The following RBM39 variants were observed in gnomAD, a reference collection of about 807,000 sequenced individuals.
RBM39 encodes RNA binding motif protein 39.
RBM39 carries 12 observed loss-of-function variants against 79.6 expected under a neutral mutation model. The ratio of observed to expected loss-of-function variants is 0.15; its 90% CI spans 0.10 to 0.24. The LOEUF (loss-of-function observed/expected upper bound fraction) is 0.24, where lower values mean the gene tolerates loss of function less well. Ranked by LOEUF, RBM39 falls within the 10% of genes least tolerant of loss-of-function variation. The pLI is 1.00. For synonymous variants in RBM39, 185 were observed against 208.4 expected (o/e 0.89, Z 0.97); for missense variants, 243 against 653.4 (o/e 0.37, Z 6.85).
chr20:35,707,976 C>T (rs1242786721), intron 13 of RBM39: 2 of 442,948 alleles, frequency 4.5e-6, no homozygotes, highest in Non-Finnish European at 9.3e-6. Context: ...CATTCCAAAA[C>T]ATAATAACAA....
Position 35,724,733 on chromosome 20 carries a change from A to C in RBM39, c.535-11T>G. 1 of 1,612,868 alleles carries C rather than the reference A, an allele frequency of 6.2e-7. No homozygotes were observed. Among genetic ancestry groups the C allele is most frequent in the East Asian group, 2.2e-5 (1 of 44,838 alleles). ...CCTCACATCTCGAACCTAGAAAGAAAACACAGTTGTTTGTGCAAACATCCA... is the reference window on the plus strand; with the variant it reads ...CCTCACATCTCGAACCTAGAAAGAACACACAGTTGTTTGTGCAAACATCCA... On this transcript the variant is annotated splice_polypyrimidine_tract_variant and intron_variant, in intron 7 of 16. Coordinates refer to ENST00000253363, the MANE Select transcript of RBM39 (RefSeq NM_184234.3).
At chr20:35,732,240 T>C (rs1483233862) in intron 3 of RBM39, 105 bp from the exon 4 acceptor site, 2 of 1,115,786 alleles carry the variant, frequency 1.8e-6, no homozygotes, top group South Asian at 1.3e-5. Flanking sequence ...TAAATTTCTT[T>C]GGCTAGTTTT....
chr20:35,705,782 C>T (rs1184030632), intron 14 of RBM39, among the ~76,000 whole-genome samples: 3 of 146,704 alleles, frequency 2.0e-5, no homozygotes, highest in Non-Finnish European at 3.0e-5. Flanking sequence ...TAGGTAACTC[C>T]GTCTCAAAAA....
Position 35,703,253 on chromosome 20 carries a change from A to G in RBM39, c.*1228T>C, listed in dbSNP as rs2035373614. 3 of 152,178 alleles carry G rather than the reference A, an allele frequency of 2.0e-5. 1 individual carries two copies. In the South Asian group the frequency reaches 6.2e-4, roughly 31 times the overall value. 9.4% of individuals were successfully genotyped at this position (152,178 alleles called of 1,614,324 possible). A position where few individuals can be genotyped will look rare whatever the true frequency, so the allele number is the denominator to read the frequency against. On this transcript the variant is annotated 3_prime_UTR_variant, in exon 17 of 17. Coordinates refer to ENST00000253363, the MANE Select transcript of RBM39 (RefSeq NM_184234.3). ...CCTTATTTAATATATTAATATATAA[A>G]TCAATTTTGGAAACCAGTTTGAAGT...
chr20:35,732,190 T>C (rs753950885), intron 3 of RBM39, 55 bp from the exon 4 acceptor site: 2 of 1,471,042 alleles, frequency 1.4e-6, no homozygotes, highest in African/African-American at 1.4e-5. Context: ...CACCAAAATA[T>C]ACTACCTTTT....
intron 3 of RBM39, chr20:35,736,458 C>T (rs2039915178): frequency 5.7e-6 from 2 of 353,306 alleles, no homozygotes; most frequent in South Asian, 4.5e-5. Context: ...GCTTAACAAG[C>T]CCTGAATAAC....
At chr20:35,705,558 G>C (rs2035618224) in intron 14 of RBM39, among the ~76,000 whole-genome samples, 1 of 152,064 alleles carries the variant, frequency 6.6e-6, no homozygotes, top group Non-Finnish European at 1.5e-5. Context: ...AGCACTTTGG[G>C]AGGCCGAAGT....
At position 35,721,956 on chromosome 20, in the gene RBM39, A is replaced by C. The variant is rs543586862; in HGVS notation, c.688-79T>G. The C allele has an allele frequency of 9.9e-4, 1,467 of 1,487,950 alleles. 25 individuals are homozygous for C. In the South Asian group the frequency reaches 0.011, roughly 12 times the overall value. The allele number at this position is 1,487,950 out of a possible 1,614,324, so 92.2% of individuals were successfully genotyped here. Reference sequence around the variant, plus strand: ...TACACCTTCCATTTGCATAACAACTAATGTTAAAGTTTAGAGTGATAAAAA... The same window carrying C: ...TACACCTTCCATTTGCATAACAACTCATGTTAAAGTTTAGAGTGATAAAAA... On this transcript the variant is annotated intron_variant, in intron 8 of 16. Coordinates refer to ENST00000253363, the MANE Select transcript of RBM39 (RefSeq NM_184234.3).
chr20:35,741,030 C>CTTTTTTTTGTTTTT (rs2040450755), intron 1 of RBM39, 143 bp from the exon 2 acceptor site: 1 of 118,628 alleles, frequency 8.4e-6, no homozygotes, highest in Non-Finnish European at 1.5e-5. Flanking sequence ...AAACATTTTT[C>CTTTTTTTTGTTTTT]TTTTTTTTTT....
At chr20:35,733,598 G>C (rs1435722188) in intron 3 of RBM39, among the ~76,000 whole-genome samples, 1 of 150,186 alleles carries the variant, frequency 6.7e-6, no homozygotes, top group Non-Finnish European at 1.5e-5. Context: ...AACAGAGCAA[G>C]ACTGTCTCCA....
At chr20:35,740,198 ATT>A (rs542228256) in intron 2 of RBM39, 4 of 161,184 alleles carry the variant, frequency 2.5e-5, no homozygotes, top group Non-Finnish European at 4.1e-5. Context: ...TGCCTCTTGT[ATT>A]TTTTTTTTTT....
chr20:35,739,195 T>C (rs2040281250), intron 2 of RBM39, 178 bp from the exon 3 acceptor site: 1 of 646,258 alleles, frequency 1.5e-6, no homozygotes, highest in African/African-American at 1.9e-5. Context: ...AACCACTTTG[T>C]TGCTTACATT....
At chr20:35,738,853 G>T in intron 3 of RBM39, 115 bp downstream of exon 3, 2 of 908,244 alleles carry the variant, frequency 2.2e-6, no homozygotes, top group Non-Finnish European at 3.4e-6. Flanking sequence ...TCTAAAAGCA[G>T]CAAAGAAAAG....
Position 35,705,367 on chromosome 20 carries a change from AAACT to A in RBM39, c.1308-41_1308-38del, listed in dbSNP as rs753702852. ...TATTAAGGACTCTTAAATACTATTG[AAACT>A]AACAAACTATATATTTACAAATGTA... On this transcript the variant is annotated intron_variant, in intron 14 of 16. Transcript: ENST00000253363. 4 of 1,047,198 alleles carry A rather than the reference AAACT, an allele frequency of 3.8e-6. No individual in the cohort carries two copies. The Admixed American group carries it at 7.2e-5, about 19-fold the overall frequency. The allele number at this position is 1,047,198 out of a possible 1,614,324, so 64.9% of individuals were successfully genotyped here.
intron 3 of RBM39, chr20:35,736,716 T>C: frequency 2.6e-6 from 1 of 391,470 alleles, no homozygotes; most frequent in South Asian, 2.0e-5. Context: ...AATGGCATAA[T>C]CTCAGCTCAT....
intron 14 of RBM39, 82 bp downstream of exon 14, chr20:35,707,038 A>G: frequency 1.6e-6 from 1 of 626,536 alleles, no homozygotes; most frequent in Non-Finnish European, 2.3e-6. Context: ...AAAAAAAAAA[A>G]AAAAAAAAAA....
At chr20:35,709,355 A>G in intron 12 of RBM39, 81 bp from the exon 13 acceptor site, 1 of 1,191,186 alleles carries the variant, frequency 8.4e-7, no homozygotes, top group Non-Finnish European at 1.2e-6. Context: ...GAGGACTACA[A>G]TAGCAGGGTT....
rs370150310 is a variant in RBM39, at chr20:35,704,657, T to C, written c.1492+11A>G. ...TAATAACAATCAGTCAAAAAATAAA[T>C]TCAAACTCACCAGCAAACCACCTGC... On this transcript the variant is annotated intron_variant, in intron 16 of 16. Coordinates refer to ENST00000253363, the MANE Select transcript of RBM39 (RefSeq NM_184234.3). 2.8e-5 allele frequency: 45 copies of C among 1,613,620 alleles called. No homozygotes were observed. Among genetic ancestry groups the C allele is most frequent in the Middle Eastern group, 1.6e-4 (1 of 6,082 alleles).
chr20:35,732,879 A>G (rs1433328946), intron 3 of RBM39: 1 of 152,252 alleles, frequency 6.6e-6, no homozygotes, highest in Non-Finnish European at 1.5e-5. Context: ...AATTTTCATC[A>G]AATATAGTAA....
Sources: allele counts gnomAD v4.1 joint callset (sites outside exome capture counted in the v4.1 genomes callset), GRCh38; gene constraint gnomAD v4.1.1; transcripts MANE v1.5; gene names NCBI Gene and HGNC (gene_info 2026-07-23, HGNC 2026-07-21).